The following SMURF2 variants were observed in gnomAD, a reference collection of about 807,000 sequenced individuals.
The protein encoded by SMURF2 is SMAD specific E3 ubiquitin protein ligase 2.
Under a neutral mutation model 109.6 loss-of-function variants are expected in SMURF2, and 48 were observed. The observed-to-expected ratio is 0.44, with a 90% CI of 0.35 to 0.56. The LOEUF (loss-of-function observed/expected upper bound fraction) is 0.56, where lower values mean the gene tolerates loss of function less well. Among genes scored for constraint, SMURF2 ranks in the 20% least tolerant of loss-of-function variants. The pLI is 0.01. For missense variants in SMURF2, 575 were observed against 909.0 expected (o/e 0.63, Z 4.72); for synonymous variants, 288 against 317.1 (o/e 0.91, Z 0.97).
intron 16 of SMURF2, among the ~76,000 whole-genome samples, chr17:64,550,206 T>C (rs1310098356): frequency 6.6e-6 from 1 of 152,232 alleles, no homozygotes; most frequent in African/African-American, 2.4e-5. Flanking sequence ...TTAGATTTGT[T>C]TGCTAACAGG....
chr17:64,638,877 A>G (rs371001695), intron 1 of SMURF2, among the ~76,000 whole-genome samples: 9 of 152,238 alleles, frequency 5.9e-5, no homozygotes, highest in East Asian at 5.8e-4. Flanking sequence ...GCTATGAACC[A>G]TGTAAACATA....
At chr17:64,633,198 A>T (rs1970372607) in intron 1 of SMURF2, among the ~76,000 whole-genome samples, 2 of 152,218 alleles carry the variant, frequency 1.3e-5, no homozygotes, top group Admixed American at 6.5e-5. Context: ...TGAGCCCAGG[A>T]GGCCGAGGCT....
At chr17:64,631,080 T>C (rs1163141685) in intron 1 of SMURF2, among the ~76,000 whole-genome samples, 14 of 151,422 alleles carry the variant, frequency 9.2e-5, no homozygotes, top group Non-Finnish European at 1.2e-4. Context: ...CGCAGGAGGA[T>C]CACTTGAGTC....
chr17:64,545,785 G>A lies in SMURF2; in HGVS notation c.*63C>T, dbSNP rs1452066695. 5.1e-6 allele frequency: 4 copies of A among 780,312 alleles called. No individual in the cohort carries two copies. The Middle Eastern group carries it at 1.0e-3, about 197-fold the overall frequency. 48.3% of individuals were successfully genotyped at this position (780,312 alleles called of 1,614,324 possible). A position where few individuals can be genotyped will look rare whatever the true frequency, so the allele number is the denominator to read the frequency against. On this transcript the variant is annotated 3_prime_UTR_variant, in exon 19 of 19. Coordinates refer to ENST00000262435, the MANE Select transcript of SMURF2 (RefSeq NM_022739.4). Reference sequence around the variant, plus strand: ...ATTTCAGCATATTCTTTGAAACTCTGCTGAAAGGAGGCTGTCAGTCAGGGT... The same window carrying A: ...ATTTCAGCATATTCTTTGAAACTCTACTGAAAGGAGGCTGTCAGTCAGGGT...
chr17:64,561,372 T>C, intron 12 of SMURF2, 128 bp downstream of exon 12: 1 of 644,416 alleles, frequency 1.6e-6, no homozygotes, highest in East Asian at 2.8e-5. Context: ...TATTAGGATA[T>C]CCTCAGTGAT....
chr17:64,657,455 G>GCTGAGGCAGGAGGATCTC (rs1164718094), intron 1 of SMURF2, among the ~76,000 whole-genome samples: 19 of 152,074 alleles, frequency 1.2e-4, no homozygotes, highest in African/African-American at 4.6e-4. Flanking sequence ...ACTTTGGAAG[G>GCTGAGGCAGGAGGATCTC]CTGAGGCAGG....
intron 1 of SMURF2, among the ~76,000 whole-genome samples, chr17:64,651,432 C>A (rs1261383030): frequency 6.7e-6 from 1 of 150,332 alleles, no homozygotes; most frequent in East Asian, 2.0e-4. Flanking sequence ...ATTACACGGG[C>A]ATGGTGGCGC....
chr17:64,645,577 A>C (rs1970548180), intron 1 of SMURF2, among the ~76,000 whole-genome samples: 1 of 152,226 alleles, frequency 6.6e-6, no homozygotes, highest in Non-Finnish European at 1.5e-5. Flanking sequence ...AAAATAATTA[A>C]GAAAAATAGA....
At chr17:64,577,459 C>G (rs1176320139) in intron 9 of SMURF2, among the ~76,000 whole-genome samples, 1 of 151,548 alleles carries the variant, frequency 6.6e-6, no homozygotes, top group African/African-American at 2.4e-5. Context: ...ATGTAAATGA[C>G]AAGTTAATGG....
chr17:64,606,699 T>C, intron 1 of SMURF2, 59 bp from the exon 2 acceptor site: 1 of 1,267,198 alleles, frequency 7.9e-7, no homozygotes, highest in South Asian at 1.4e-5. Context: ...GAGTGTACTG[T>C]TACATTTTAA....
intron 1 of SMURF2, among the ~76,000 whole-genome samples, chr17:64,643,234 G>A (rs1184746643): frequency 1.3e-5 from 2 of 151,920 alleles, no homozygotes; most frequent in Non-Finnish European, 1.5e-5. Flanking sequence ...TGTTGTCCAG[G>A]CTGGTCTCGA....
intron 12 of SMURF2, among the ~76,000 whole-genome samples, chr17:64,558,039 A>C (rs1392191165): frequency 6.6e-6 from 1 of 152,202 alleles, no homozygotes; most frequent in African/African-American, 2.4e-5. Context: ...GTTACTTTTA[A>C]TTGCCAAATA....
At chr17:64,556,346 A>C (rs1969119930) in intron 13 of SMURF2, among the ~76,000 whole-genome samples, 1 of 152,124 alleles carries the variant, frequency 6.6e-6, no homozygotes, top group Admixed American at 6.6e-5. Flanking sequence ...TCATGAAAAA[A>C]AATCTTTCAA....
chr17:64,551,382 C>G (rs1219130224), intron 16 of SMURF2, among the ~76,000 whole-genome samples: 2 of 151,688 alleles, frequency 1.3e-5, no homozygotes, highest in Non-Finnish European at 1.5e-5. Flanking sequence ...GAGAGAGAGA[C>G]AGATTGTTCA....
intron 1 of SMURF2, among the ~76,000 whole-genome samples, chr17:64,638,523 A>G (rs1970452606): frequency 6.6e-6 from 1 of 152,234 alleles, no homozygotes; most frequent in Non-Finnish European, 1.5e-5. Context: ...TGGCTTAGAA[A>G]AGTTTTCTTT....
intron 1 of SMURF2, among the ~76,000 whole-genome samples, chr17:64,621,331 G>A (rs1970198163): frequency 1.3e-5 from 2 of 152,242 alleles, no homozygotes; most frequent in African/African-American, 4.8e-5. Context: ...TGTAATCCCA[G>A]CACTTTGGGA....
At position 64,579,801 on chromosome 17, in the gene SMURF2, T is replaced by C. The variant is rs549442232; in HGVS notation, c.772+988A>G. On this transcript the variant is annotated intron_variant, in intron 8 of 18. Transcript: ENST00000262435. ...ATTGAGGCTCAAAGAGGTTAAATAATGTGCTCGGTGTTACATGGCAAAGCC... is the reference window on the plus strand; with the variant it reads ...ATTGAGGCTCAAAGAGGTTAAATAACGTGCTCGGTGTTACATGGCAAAGCC... 3.3e-5 allele frequency among the ~76,000 whole-genome samples: 5 copies of C among 152,326 alleles called. No homozygotes were observed. The East Asian group carries it at 9.6e-4, about 29-fold the overall frequency.
chr17:64,591,672 T>C (rs1555687716), intron 4 of SMURF2, among the ~76,000 whole-genome samples: 1 of 152,146 alleles, frequency 6.6e-6, no homozygotes, highest in East Asian at 1.9e-4. Context: ...GCCTCATCTG[T>C]AAAAGAGATA....
chr17:64,589,924 A>G (rs557269729), intron 5 of SMURF2, among the ~76,000 whole-genome samples: 1 of 151,932 alleles, frequency 6.6e-6, no homozygotes, highest in African/African-American at 2.4e-5. Flanking sequence ...TGGTACCAAA[A>G]ATGGTGGGGT....
Sources: allele counts gnomAD v4.1 joint callset (sites outside exome capture counted in the v4.1 genomes callset), GRCh38; gene constraint gnomAD v4.1.1; transcripts MANE v1.5; gene names NCBI Gene and HGNC (gene_info 2026-07-23, HGNC 2026-07-21).